The following RBFOX1 variants were observed in gnomAD, a reference collection of about 807,000 sequenced individuals.
The protein encoded by RBFOX1 is RNA binding fox-1 homolog 1, also known as RNA binding protein fox-1 homolog 1.
RBFOX1 carries 8 observed loss-of-function variants against 57.7 expected under a neutral mutation model. The observed-to-expected ratio is 0.14, with a 90% CI of 0.08 to 0.25. The LOEUF (loss-of-function observed/expected upper bound fraction) is 0.25, where lower values mean the gene tolerates loss of function less well. RBFOX1 is among the 10% of genes least tolerant of loss of function. RBFOX1 has a pLI of 1.00. For missense variants in RBFOX1, 611 were observed against 548.5 expected, an observed-to-expected ratio of 1.11 and a Z score of -1.14; for synonymous variants, 326 against 222.4, an observed-to-expected ratio of 1.47 and a Z score of -4.15.
chr16:6,555,679 G>A (rs980219593), intron 2 of RBFOX1, among the ~76,000 whole-genome samples: 4 of 151,656 alleles, frequency 2.6e-5, no homozygotes, highest in African/African-American at 7.3e-5. Context: ...CAGCCTGGGC[G>A]ACAGAGCTAG....
At chr16:6,093,997 T>A (rs895632630) in intron 1 of RBFOX1, among the ~76,000 whole-genome samples, 2 of 152,214 alleles carry the variant, frequency 1.3e-5, no homozygotes, top group African/African-American at 4.8e-5. Context: ...ATCATGCCGC[T>A]TTTTTAGGTA....
intron 2 of RBFOX1, among the ~76,000 whole-genome samples, chr16:5,575,408 C>T (rs1238354492): frequency 6.6e-6 from 1 of 152,168 alleles, no homozygotes; most frequent in Non-Finnish European, 1.5e-5. Flanking sequence ...AGGTGATCAT[C>T]CTAACAGCTC....
chr16:5,667,899 A>G (rs545965578), intron 3 of RBFOX1, among the ~76,000 whole-genome samples: 1 of 152,314 alleles, frequency 6.6e-6, no homozygotes, highest in African/African-American at 2.4e-5. Context: ...GCCTGTGGCA[A>G]GGATGTCTCT....
At chr16:6,568,310 C>A (rs1184572220) in intron 2 of RBFOX1, among the ~76,000 whole-genome samples, 1 of 152,188 alleles carries the variant, frequency 6.6e-6, no homozygotes, top group Non-Finnish European at 1.5e-5. Flanking sequence ...CTTCTAGACT[C>A]ACTCATATGG....
chr16:6,882,604 T>C (rs985071622), intron 3 of RBFOX1, among the ~76,000 whole-genome samples: 4 of 151,940 alleles, frequency 2.6e-5, no homozygotes, highest in Non-Finnish European at 5.9e-5. Flanking sequence ...AATAAATAAA[T>C]ATAAATAAAT....
intron 3 of RBFOX1, among the ~76,000 whole-genome samples, chr16:5,662,194 T>C (rs1192454417): frequency 1.3e-5 from 2 of 152,214 alleles, no homozygotes; most frequent in Non-Finnish European, 2.9e-5. Flanking sequence ...AAAGTTGATA[T>C]GGTCTGTTTG....
intron 4 of RBFOX1, among the ~76,000 whole-genome samples, chr16:7,175,792 A>T (rs2081537719): frequency 6.6e-6 from 1 of 152,168 alleles, no homozygotes; most frequent in Non-Finnish European, 1.5e-5. Context: ...GAGTAAAGCA[A>T]GTCTCTGCAC....
At chr16:6,683,982 C>T (rs1485327678) in intron 3 of RBFOX1, among the ~76,000 whole-genome samples, 1 of 152,162 alleles carries the variant, frequency 6.6e-6, no homozygotes, top group Non-Finnish European at 1.5e-5. Context: ...CTCCATGTTA[C>T]CCCGACATGT....
At chr16:6,487,813 C>T (rs1167895892) in intron 2 of RBFOX1, among the ~76,000 whole-genome samples, 1 of 142,886 alleles carries the variant, frequency 7.0e-6, no homozygotes, top group Non-Finnish European at 1.5e-5. Context: ...AAAGTAATGT[C>T]TGGAATTCTA....
chr16:6,820,756 C>A (rs984195418), intron 3 of RBFOX1, among the ~76,000 whole-genome samples: 4 of 152,110 alleles, frequency 2.6e-5, no homozygotes, highest in South Asian at 2.1e-4. Context: ...GGCCTCAAAT[C>A]GATGCTAAGT....
intron 4 of RBFOX1, among the ~76,000 whole-genome samples, chr16:7,405,274 C>T (rs1157823495): frequency 6.6e-6 from 1 of 152,214 alleles, no homozygotes; most frequent in South Asian, 2.1e-4. Flanking sequence ...GATGCCAGCC[C>T]AGAGGCAGGG....
chr16:5,450,103 T>C (rs2068376705), intron 1 of RBFOX1, among the ~76,000 whole-genome samples: 1 of 152,198 alleles, frequency 6.6e-6, no homozygotes, highest in Admixed American at 6.5e-5. Context: ...ATTCACCTCA[T>C]TGTGCAAATA....
intron 4 of RBFOX1, among the ~76,000 whole-genome samples, chr16:5,998,493 A>C (rs2060529122): frequency 6.6e-6 from 1 of 152,228 alleles, no homozygotes; most frequent in Admixed American, 6.5e-5. Flanking sequence ...GGACATTTCT[A>C]GGGCTAGGGT....
At chr16:5,333,563 T>C (rs2064816733) in intron 1 of RBFOX1, among the ~76,000 whole-genome samples, 2 of 152,218 alleles carry the variant, frequency 1.3e-5, no homozygotes, top group Admixed American at 1.3e-4. Flanking sequence ...GACGTAGAAG[T>C]TCTACAGGGC....
chr16:7,164,446 T>C (rs568868539), intron 4 of RBFOX1, among the ~76,000 whole-genome samples: 2 of 152,358 alleles, frequency 1.3e-5, no homozygotes, highest in African/African-American at 2.4e-5. Flanking sequence ...GTGTCTTTTT[T>C]GTATAGTGAT....
chr16:6,277,730 C>G (rs942736613), intron 1 of RBFOX1, among the ~76,000 whole-genome samples: 3 of 151,562 alleles, frequency 2.0e-5, no homozygotes, highest in African/African-American at 4.9e-5. Flanking sequence ...ATCCCGACCG[C>G]TGTATATAAC....
At chr16:5,269,380 C>A (rs8060802) in intron 1 of RBFOX1, among the ~76,000 whole-genome samples, 1 of 152,212 alleles carries the variant, frequency 6.6e-6, no homozygotes, top group African/African-American at 2.4e-5. Flanking sequence ...TTTTCATATT[C>A]AAAAATGAAA....
At chr16:7,075,017 A>G (rs1456788866) in intron 4 of RBFOX1, among the ~76,000 whole-genome samples, 1 of 152,160 alleles carries the variant, frequency 6.6e-6, no homozygotes, top group East Asian at 1.9e-4. Context: ...AAAGAAAAAG[A>G]GAAAAAAGGG....
chr16:7,090,367 G>C (rs73540796), intron 4 of RBFOX1, among the ~76,000 whole-genome samples: 4,956 of 152,230 alleles, frequency 0.033, 263 homozygotes, highest in African/African-American at 0.11. Context: ...TTTTTGCTGG[G>C]GGGAGGTGTG....
Sources: gnomAD v4.1 joint callset for allele counts (sites outside exome capture counted in the v4.1 genomes callset) on GRCh38, gnomAD v4.1.1 for gene constraint, MANE v1.5 for transcripts, NCBI Gene and HGNC (gene_info 2026-07-23, HGNC 2026-07-21) for gene names.